ANKHD1: variants seen among roughly 807,000 people sequenced by gnomAD.
The protein encoded by ANKHD1 is ankyrin repeat and KH domain containing 1.
Under a neutral mutation model 230.5 loss-of-function variants are expected in ANKHD1, and 31 were observed. The ratio of observed to expected loss-of-function variants is 0.13; its 90% CI spans 0.10 to 0.18. ANKHD1 has a LOEUF of 0.18. ANKHD1 is among the 10% of genes least tolerant of loss of function. ANKHD1 has a pLI of 1.00. For missense variants in ANKHD1, 2,256 were observed against 3,071.3 expected (o/e 0.73, Z 6.27); for synonymous variants, 1,074 against 1,117.6 (o/e 0.96, Z 0.78).
intron 6 of ANKHD1, among the ~76,000 whole-genome samples, chr5:140,448,109 CGG>C (rs1774432996): frequency 6.6e-6 from 1 of 152,106 alleles, no homozygotes; most frequent in South Asian, 2.1e-4. Flanking sequence ...CTGAGGTGGA[CGG>C]ATCCCTTGAG....
chr5:140,426,836 A>G (rs1023357164), intron 1 of ANKHD1, among the ~76,000 whole-genome samples: 6 of 152,236 alleles, frequency 3.9e-5, no homozygotes, highest in African/African-American at 1.4e-4. Context: ...GTTGGGGGCA[A>G]GGTCACAGAT....
chr5:140,449,206 T>G lies in ANKHD1; in HGVS notation c.1148-5T>G. The stretch of plus-strand genomic sequence containing the variant: ...TCTTTTAAAATTTTTGTTCCTTTTT[T>G]CAAGGCCATTTGGATATGGTTCGCT... On this transcript the variant is annotated splice_polypyrimidine_tract_variant and splice_region_variant and intron_variant, in intron 6 of 33. Coordinates refer to ENST00000360839, the MANE Select transcript of ANKHD1 (RefSeq NM_017747.3). The G allele has an allele frequency of 6.2e-7, 1 of 1,606,748 alleles. No homozygotes were observed. The highest frequency in any genetic ancestry group is 1.3e-5 in the African/African-American group (1 of 74,858).
intron 5 of ANKHD1, among the ~76,000 whole-genome samples, chr5:140,444,171 T>G (rs1305378754): frequency 6.7e-6 from 1 of 150,124 alleles, no homozygotes; most frequent in Non-Finnish European, 1.5e-5. Context: ...CACATGCTCT[T>G]TGATGGGCTC....
At chr5:140,490,319 G>A (rs868410776) in intron 14 of ANKHD1, among the ~76,000 whole-genome samples, 1 of 152,110 alleles carries the variant, frequency 6.6e-6, no homozygotes, top group South Asian at 2.1e-4. Flanking sequence ...TTTTAAAAAT[G>A]TATTAATGCC....
intron 3 of ANKHD1, among the ~76,000 whole-genome samples, chr5:140,439,664 T>C (rs1310334391): frequency 6.6e-6 from 1 of 151,866 alleles, no homozygotes; most frequent in East Asian, 1.9e-4. Context: ...AGTGAGACTC[T>C]GTCTCAAAAC....
At chr5:140,418,157 T>C (rs1429406118) in intron 1 of ANKHD1, among the ~76,000 whole-genome samples, 1 of 149,568 alleles carries the variant, frequency 6.7e-6, no homozygotes, top group Non-Finnish European at 1.5e-5. Flanking sequence ...TTTTTTTTTT[T>C]TTTTTTTGAG....
intron 30 of ANKHD1, chr5:140,537,178 GATA>G: frequency 2.4e-6 from 2 of 838,306 alleles, no homozygotes; most frequent in Non-Finnish European, 3.3e-6. Flanking sequence ...AATCGTGTAG[GATA>G]ATGTCTATAG....
chr5:140,537,021 CAAAAA>C (rs753247443), intron 30 of ANKHD1: 3 of 73,358 alleles, frequency 4.1e-5, no homozygotes, highest in African/African-American at 5.4e-5. Context: ...AATTCCGTCT[CAAAAA>C]AAAAAAAAAA....
chr5:140,484,158 A>G lies in ANKHD1; in HGVS notation c.1871-963A>G, dbSNP rs187590902. Among the ~76,000 whole-genome samples the G allele has an allele frequency of 3.5e-4, 53 of 152,306 alleles. No homozygotes were observed. The East Asian group carries it at 0.01, about 29-fold the overall frequency. ...AAGTTAGGATTAGATTCAGCTGGAT[A>G]TTTTCTGAAAATTAGACAAACTAAT... On this transcript the variant is annotated intron_variant, in intron 11 of 33. Coordinates refer to ENST00000360839, the MANE Select transcript of ANKHD1 (RefSeq NM_017747.3).
chr5:140,470,119 A>G (rs1776382352), intron 10 of ANKHD1, among the ~76,000 whole-genome samples: 1 of 152,036 alleles, frequency 6.6e-6, no homozygotes. Flanking sequence ...CTGGTACTGA[A>G]TATTGCCAAA....
intron 10 of ANKHD1, among the ~76,000 whole-genome samples, chr5:140,472,704 CAAAT>C (rs1014270037): frequency 6.8e-6 from 1 of 146,008 alleles, no homozygotes; most frequent in African/African-American, 2.8e-5. Context: ...AAATAATACT[CAAAT>C]AAACAAAAAA....
At chr5:140,416,527 G>T (rs1771407669) in intron 1 of ANKHD1, among the ~76,000 whole-genome samples, 1 of 152,140 alleles carries the variant, frequency 6.6e-6, no homozygotes, top group Non-Finnish European at 1.5e-5. Context: ...TTACTTTCTT[G>T]ACTCTCTGAT....
intron 14 of ANKHD1, among the ~76,000 whole-genome samples, chr5:140,493,083 C>T (rs943445660): frequency 3.9e-5 from 6 of 152,226 alleles, no homozygotes; most frequent in East Asian, 1.9e-4. Flanking sequence ...TTCTTTGAGA[C>T]GGAGTTTTAG....
In ANKHD1 at chr5:140,436,228, CACG is replaced by C. The variant is rs772060899; in HGVS notation, c.434_436del (p.Arg145del). 4 of 1,591,112 alleles carry C rather than the reference CACG, an allele frequency of 2.5e-6. No homozygotes were observed. In the African/African-American group the frequency reaches 5.4e-5, roughly 22 times the overall value. On this transcript the variant is annotated inframe_deletion, in exon 2 of 34. Transcript: ENST00000360839. Reference sequence around the variant, plus strand: ...CGCACTGTGGATCCAGAGACACAGGCACGACTAGAAGCATTGCTAGAAGCAGCA... The same window carrying C: ...CGCACTGTGGATCCAGAGACACAGGCACTAGAAGCATTGCTAGAAGCAGCA...
chr5:140,406,938 C>G (rs1003405016), intron 1 of ANKHD1, among the ~76,000 whole-genome samples: 1 of 152,120 alleles, frequency 6.6e-6, no homozygotes, highest in Non-Finnish European at 1.5e-5. Flanking sequence ...AGAGCTAGCA[C>G]TGCATTGAAT....
chr5:140,482,428 G>C (rs182133957), intron 10 of ANKHD1, 152 bp from the exon 11 acceptor site: 3 of 775,392 alleles, frequency 3.9e-6, no homozygotes, highest in Admixed American at 7.1e-5. Context: ...TGAAAATCCT[G>C]TATAATGGGG....
At chr5:140,492,921 TA>T (rs146076313) in intron 14 of ANKHD1, among the ~76,000 whole-genome samples, 2,301 of 152,204 alleles carry the variant, frequency 0.015, 61 homozygotes, top group African/African-American at 0.052. Context: ...TCACTGCCAA[TA>T]AAAAAATAAA....
chr5:140,402,205 G>T lies in ANKHD1; in HGVS notation c.238G>T (p.Ala80Ser). The T allele has an allele frequency of 6.6e-7, 1 of 1,524,992 alleles. No homozygotes were observed. The allele number at this position is 1,524,992 out of a possible 1,614,324, so 94.5% of individuals were successfully genotyped here. Residue 80 changes from alanine (A) to serine (S), a missense_variant, in exon 1 of 34, where the codon GCG becomes TCG. Ala to Ser is a moderately conservative substitution (Grantham distance 99, BLOSUM62 1). Coordinates refer to ENST00000360839, the MANE Select transcript of ANKHD1 (RefSeq NM_017747.3). ...GGDAALDFKL[A>S]AAVLRTGGGG... Reference sequence around the variant, plus strand: ...GGACGCGGCGCTGGATTTCAAGTTGGCGGCTGCCGTGCTGAGGACCGGGGG... The same window carrying T: ...GGACGCGGCGCTGGATTTCAAGTTGTCGGCTGCCGTGCTGAGGACCGGGGG...
At chr5:140,440,313 A>G in intron 4 of ANKHD1, 47 bp downstream of exon 4, 1 of 1,571,612 alleles carries the variant, frequency 6.4e-7, no homozygotes. Context: ...AAGGGTTTTG[A>G]TGTTTTATTT....
Sources: gnomAD v4.1 joint callset for allele counts (sites outside exome capture counted in the v4.1 genomes callset) on GRCh38, gnomAD v4.1.1 for gene constraint, MANE v1.5 for transcripts, NCBI Gene and HGNC (gene_info 2026-07-23, HGNC 2026-07-21) for gene names.